The following BCL11A variants were observed in gnomAD, a reference collection of about 807,000 sequenced individuals.
BCL11A encodes B cell CLL/lymphoma 11A.
In BCL11A, 2 loss-of-function variants were observed where a neutral mutation model predicts 55.9. That is an observed-to-expected ratio of 0.04 (90% CI 0.01 to 0.11). The LOEUF (loss-of-function observed/expected upper bound fraction) is 0.11. BCL11A is among the 10% of genes least tolerant of loss of function. The pLI, the probability that BCL11A is intolerant of heterozygous loss-of-function variation, is 1.00. For synonymous variants in BCL11A, 465 were observed against 473.4 expected (o/e 0.98, Z 0.23); for missense variants, 817 against 1,137.1 (o/e 0.72, Z 4.05).
intron 2 of BCL11A, chr2:60,534,042 G>C (rs1381654594): frequency 2.0e-5 from 3 of 152,156 alleles, no homozygotes; most frequent in African/African-American, 7.2e-5. Context: ...TTGTTAACCA[G>C]TGATAAACTC....
intron 2 of BCL11A, among the ~76,000 whole-genome samples, chr2:60,474,539 T>C (rs917561194): frequency 6.6e-6 from 1 of 152,256 alleles, no homozygotes; most frequent in Non-Finnish European, 1.5e-5. Flanking sequence ...CACTTGATCG[T>C]GAATTAGATA....
chr2:60,454,592 G>A (rs1281059518), downstream of BCL11A, among the ~76,000 whole-genome samples: 1 of 152,066 alleles, frequency 6.6e-6, no homozygotes, highest in African/African-American at 2.4e-5. Flanking sequence ...ATGTGTGTAC[G>A]GAGGGGGAAA....
chr2:60,512,005 C>T (rs180743711), intron 2 of BCL11A, among the ~76,000 whole-genome samples: 172 of 152,290 alleles, frequency 1.1e-3, no homozygotes, highest in African/African-American at 3.8e-3. Flanking sequence ...AATACTTGCT[C>T]GGCCAAAGAC....
At chr2:60,502,308 A>C (rs1679335809) in intron 2 of BCL11A, among the ~76,000 whole-genome samples, 1 of 152,266 alleles carries the variant, frequency 6.6e-6, no homozygotes, top group South Asian at 2.1e-4. Flanking sequence ...GAGTAGGTAA[A>C]CAGTGTGAAC....
At chr2:60,494,995 G>A (rs1678862224) in intron 2 of BCL11A, among the ~76,000 whole-genome samples, 1 of 152,212 alleles carries the variant, frequency 6.6e-6, no homozygotes, top group Non-Finnish European at 1.5e-5. Flanking sequence ...TGGGTGGACA[G>A]CCCGACAGAT....
downstream of BCL11A, chr2:60,452,232 G>T (rs1364376001): frequency 7.9e-6 from 2 of 253,570 alleles, no homozygotes; most frequent in Non-Finnish European, 1.5e-5. Flanking sequence ...AGAAACAAGG[G>T]GTTGGGGACT....
chr2:60,467,210 ATGGTACTGGTGATGG>A (rs1676727515), intron 3 of BCL11A, among the ~76,000 whole-genome samples: 1 of 61,366 alleles, frequency 1.6e-5, no homozygotes, highest in Admixed American at 1.7e-4. Flanking sequence ...GATGGCGGTG[ATGGTACTGGTGATGG>A]TGGTGGTGGT....
chr2:60,536,274 T>G (rs1669666558), intron 2 of BCL11A: 1 of 152,154 alleles, frequency 6.6e-6, no homozygotes, highest in Admixed American at 6.5e-5. Context: ...CTAGAGTTGA[T>G]CTTACCGGAA....
intron 2 of BCL11A, among the ~76,000 whole-genome samples, chr2:60,540,964 GT>G: frequency 6.6e-6 from 1 of 151,150 alleles, no homozygotes; most frequent in South Asian, 2.1e-4. Flanking sequence ...GTGTGTGTGT[GT>G]GTGTGTGTGT....
chr2:60,550,652 C>A (rs1187054005), intron 1 of BCL11A, among the ~76,000 whole-genome samples: 1 of 152,202 alleles, frequency 6.6e-6, no homozygotes, highest in African/African-American at 2.4e-5. Flanking sequence ...CCCCTCACCC[C>A]CTCCCAAACT....
At chr2:60,549,395 T>C (rs1320305203) in intron 1 of BCL11A, among the ~76,000 whole-genome samples, 1 of 152,178 alleles carries the variant, frequency 6.6e-6, no homozygotes, top group Non-Finnish European at 1.5e-5. Context: ...TTGATTGTCT[T>C]AACAGGGTAA....
At chr2:60,551,068 G>A (rs760812989) in intron 1 of BCL11A, 1 of 397,106 alleles carries the variant, frequency 2.5e-6, no homozygotes, top group Non-Finnish European at 4.4e-6. Context: ...TAAATTCCCT[G>A]TGCGCACCCC....
Position 60,459,831 on chromosome 2 carries a change from A to G in BCL11A, c.*573T>C. On this transcript the variant is annotated 3_prime_UTR_variant, in exon 4 of 4. Transcript: ENST00000642384. Reference sequence around the variant, plus strand: ...TAGAGATTTTTTTTCAGTGCTATCTATTCTGTCTATAGAGGGTTAATCCAA... The same window carrying G: ...TAGAGATTTTTTTTCAGTGCTATCTGTTCTGTCTATAGAGGGTTAATCCAA... 9.6e-7 allele frequency: 1 copy of G among 1,043,604 alleles called. No homozygotes were observed. The allele number at this position is 1,043,604 out of a possible 1,614,324, so 64.6% of individuals were successfully genotyped here. A position where few individuals can be genotyped will look rare whatever the true frequency, so the allele number is the denominator to read the frequency against.
chr2:60,510,345 G>A (rs550546201), intron 2 of BCL11A, among the ~76,000 whole-genome samples: 46 of 152,150 alleles, frequency 3.0e-4, no homozygotes, highest in African/African-American at 1.1e-3. Flanking sequence ...CCAGTAGCCA[G>A]GCGTATTACA....
At chr2:60,467,156 GTGGTGGTGGTGA>G (rs1265963889) in intron 3 of BCL11A, among the ~76,000 whole-genome samples, 2 of 134,462 alleles carry the variant, frequency 1.5e-5, no homozygotes, top group South Asian at 2.3e-4. Context: ...GATGGTGGTG[GTGGTGGTGGTGA>G]TGGTGGTGGT....
intron 2 of BCL11A, among the ~76,000 whole-genome samples, chr2:60,503,672 C>G (rs1679418012): frequency 6.6e-6 from 1 of 152,174 alleles, no homozygotes; most frequent in Non-Finnish European, 1.5e-5. Context: ...AGCAAACACC[C>G]AGATGGCCCT....
At chr2:60,508,087 T>C (rs1679747055) in intron 2 of BCL11A, among the ~76,000 whole-genome samples, 1 of 152,164 alleles carries the variant, frequency 6.6e-6, no homozygotes. Flanking sequence ...AATTCTCTCA[T>C]GTCATGGTGC....
intron 2 of BCL11A, among the ~76,000 whole-genome samples, chr2:60,497,520 T>C (rs566479070): frequency 6.6e-4 from 100 of 152,302 alleles, no homozygotes; most frequent in Non-Finnish European, 1.2e-3. Flanking sequence ...GACAGATTCA[T>C]GGCCCCTAAC....
chr2:60,484,877 T>G (rs568074429), intron 2 of BCL11A, among the ~76,000 whole-genome samples: 1 of 151,454 alleles, frequency 6.6e-6, no homozygotes, highest in South Asian at 2.1e-4. Flanking sequence ...GGGTGTGTGT[T>G]CATGACCATG....
Sources: gnomAD v4.1 joint callset for allele counts (sites outside exome capture counted in the v4.1 genomes callset) on GRCh38, gnomAD v4.1.1 for gene constraint, MANE v1.5 for transcripts, NCBI Gene and HGNC (gene_info 2026-07-23, HGNC 2026-07-21) for gene names.